MAN2A1: variants seen among roughly 807,000 people sequenced by gnomAD.
MAN2A1 encodes mannosidase alpha class 2A member 1.
A neutral mutation model predicts 142.6 loss-of-function variants in MAN2A1; 76 were observed. That is an observed-to-expected ratio of 0.53 (90% confidence interval 0.44 to 0.65). The LOEUF (loss-of-function observed/expected upper bound fraction) is 0.65, where lower values mean the gene tolerates loss of function less well. Among genes scored for constraint, MAN2A1 ranks in the 30% least tolerant of loss-of-function variants. The pLI, the probability that MAN2A1 is intolerant of heterozygous loss-of-function variation, is 0.00. For missense variants in MAN2A1, 1,311 were observed against 1,365.1 expected, an observed-to-expected ratio of 0.96 and a Z score of 0.62; for synonymous variants, 559 against 473.2, an observed-to-expected ratio of 1.18 and a Z score of -2.35.
intron 20 of MAN2A1, chr5:109,862,670 T>C (rs1755785511): frequency 6.6e-6 from 1 of 152,192 alleles, no homozygotes. Context: ...TCAAGTTAAA[T>C]TCACAGTTTC....
At chr5:109,697,729 A>G (rs536820903) in intron 1 of MAN2A1, among the ~76,000 whole-genome samples, 6 of 152,360 alleles carry the variant, frequency 3.9e-5, no homozygotes, top group African/African-American at 1.2e-4. Context: ...GAGTTTGCCA[A>G]TCCCTAGTTT....
intron 3 of MAN2A1, among the ~76,000 whole-genome samples, chr5:109,726,950 T>A (rs1441498290): frequency 1.3e-5 from 2 of 152,230 alleles, no homozygotes; most frequent in African/African-American, 4.8e-5. Context: ...AACCATTTCA[T>A]TTACATGGTC....
intron 1 of MAN2A1, among the ~76,000 whole-genome samples, chr5:109,697,869 T>C (rs1219960171): frequency 6.6e-6 from 1 of 152,226 alleles, no homozygotes. Context: ...GGTCAAACTT[T>C]GTGTTTTTAG....
intron 4 of MAN2A1, among the ~76,000 whole-genome samples, chr5:109,737,894 A>G (rs1419168031): frequency 6.6e-6 from 1 of 152,170 alleles, no homozygotes; most frequent in East Asian, 1.9e-4. Context: ...AGTGATGGCA[A>G]GTAGGTTAGC....
intron 12 of MAN2A1, among the ~76,000 whole-genome samples, chr5:109,801,699 A>G (rs1173973861): frequency 6.6e-6 from 1 of 152,160 alleles, no homozygotes; most frequent in African/African-American, 2.4e-5. Context: ...GAGCAGGTCT[A>G]TACTGAATAA....
chr5:109,806,148 G>A (rs987928588), intron 12 of MAN2A1, among the ~76,000 whole-genome samples: 3 of 152,116 alleles, frequency 2.0e-5, no homozygotes, highest in African/African-American at 4.8e-5. Context: ...GCAGGGGGAG[G>A]GTAATGGGAT....
chr5:109,829,795 A>G (rs1360172653), intron 16 of MAN2A1, among the ~76,000 whole-genome samples: 1 of 152,194 alleles, frequency 6.6e-6, no homozygotes, highest in South Asian at 2.1e-4. Flanking sequence ...TCAGAATTGT[A>G]TAAGCTGCTA....
chr5:109,856,052 A>G (rs556721151), intron 20 of MAN2A1, among the ~76,000 whole-genome samples: 6 of 152,320 alleles, frequency 3.9e-5, no homozygotes, highest in South Asian at 4.1e-4. Context: ...TTTAAAGACA[A>G]TATAAGAGGT....
chr5:109,867,131 T>A lies in MAN2A1; in HGVS notation c.*133T>A. On this transcript the variant is annotated 3_prime_UTR_variant, in exon 22 of 22. Coordinates refer to ENST00000261483, the MANE Select transcript of MAN2A1 (RefSeq NM_002372.4). The stretch of plus-strand genomic sequence containing the variant: ...GAATTCTGTGATTCTGTGGGTTTTT[T>A]CTTTTTTCTTTTACCAGTACAGTAA... 3 of 500,248 alleles carry A rather than the reference T, an allele frequency of 6.0e-6. No individual in the cohort carries two copies. The highest frequency in any genetic ancestry group is 3.6e-5 in the East Asian group (1 of 27,408). The allele number at this position is 500,248 out of a possible 1,614,324, so 31.0% of individuals were successfully genotyped here. A position where few individuals can be genotyped will look rare whatever the true frequency, so the allele number is the denominator to read the frequency against.
chr5:109,805,720 G>A (rs966374834), intron 12 of MAN2A1, among the ~76,000 whole-genome samples: 1 of 152,098 alleles, frequency 6.6e-6, no homozygotes, highest in Non-Finnish European at 1.5e-5. Flanking sequence ...GGTAATCCCC[G>A]AGGTCACATC....
At chr5:109,739,137 C>T (rs1752194126) in intron 4 of MAN2A1, among the ~76,000 whole-genome samples, 2 of 152,160 alleles carry the variant, frequency 1.3e-5, no homozygotes, top group South Asian at 4.1e-4. Context: ...CCACTGTGCT[C>T]AGTCCGTATA....
chr5:109,772,108 T>C (rs150071680), intron 7 of MAN2A1, among the ~76,000 whole-genome samples: 216 of 152,244 alleles, frequency 1.4e-3, no homozygotes, highest in African/African-American at 5.0e-3. Flanking sequence ...CTTTTTAAAC[T>C]TCTTGGCCGG....
At chr5:109,844,412 G>A (rs1247874863) in intron 17 of MAN2A1, among the ~76,000 whole-genome samples, 2 of 151,852 alleles carry the variant, frequency 1.3e-5, no homozygotes, top group Admixed American at 1.3e-4. Context: ...TTTAAAATAA[G>A]TTTACATTTA....
At chr5:109,768,636 A>G (rs529549817) in intron 6 of MAN2A1, among the ~76,000 whole-genome samples, 3 of 152,282 alleles carry the variant, frequency 2.0e-5, no homozygotes, top group South Asian at 2.1e-4. Context: ...TTCTTGTGTA[A>G]TCTAGACCCC....
intron 1 of MAN2A1, among the ~76,000 whole-genome samples, chr5:109,704,028 A>G (rs868351201): frequency 6.6e-6 from 1 of 152,232 alleles, no homozygotes; most frequent in Middle Eastern, 3.4e-3. Flanking sequence ...TCCTGACCAC[A>G]TTTTTGGAGG....
chr5:109,702,229 A>T (rs2112546319), intron 1 of MAN2A1, among the ~76,000 whole-genome samples: 1 of 152,298 alleles, frequency 6.6e-6, no homozygotes, highest in Non-Finnish European at 1.5e-5. Flanking sequence ...GAAGCGTTTT[A>T]GTAGAGTTTA....
chr5:109,774,639 T>C (rs1382755833), intron 7 of MAN2A1, 149 bp from the exon 8 acceptor site: 1 of 589,560 alleles, frequency 1.7e-6, no homozygotes, highest in Non-Finnish European at 2.9e-6. Context: ...CTTTAAATTA[T>C]ACTAACCTTG....
intron 4 of MAN2A1, among the ~76,000 whole-genome samples, chr5:109,747,827 A>AT (rs1243028822): frequency 6.6e-6 from 1 of 152,096 alleles, no homozygotes; most frequent in South Asian, 2.1e-4. Context: ...TTCGTGCATA[A>AT]TTTTTTCATC....
chr5:109,701,668 A>G (rs1750987101), intron 1 of MAN2A1, among the ~76,000 whole-genome samples: 1 of 152,228 alleles, frequency 6.6e-6, no homozygotes, highest in Admixed American at 6.5e-5. Flanking sequence ...TAATATAGAC[A>G]TAAGGCAGTA....
Sources: gnomAD v4.1 joint callset for allele counts (sites outside exome capture counted in the v4.1 genomes callset) on GRCh38, gnomAD v4.1.1 for gene constraint, MANE v1.5 for transcripts, NCBI Gene and HGNC (gene_info 2026-07-23, HGNC 2026-07-21) for gene names.